SH3YL1: variants seen among roughly 807,000 people sequenced by gnomAD.
SH3YL1 encodes the protein SH3 domain-containing YSC84-like protein 1.
Under a neutral mutation model 45.8 loss-of-function variants are expected in SH3YL1, and 41 were observed. The ratio of observed to expected loss-of-function variants is 0.89; its 90% confidence interval spans 0.70 to 1.16. SH3YL1 has a LOEUF of 1.16. Among genes scored for constraint, SH3YL1 ranks in the 50% most tolerant of loss-of-function variants. SH3YL1 has a pLI of 0.00. For synonymous variants in SH3YL1, 152 were observed against 151.4 expected (o/e 1.00, Z -0.03); for missense variants, 389 against 409.6 (o/e 0.95, Z 0.43).
chr2:237,531 C>T (rs1419206331), intron 4 of SH3YL1, among the ~76,000 whole-genome samples: 2 of 152,012 alleles, frequency 1.3e-5, no homozygotes, highest in East Asian at 3.9e-4. Context: ...ACCCTGTAAG[C>T]ATTTGATAAG....
upstream of SH3YL1, chr2:264,767 C>G: frequency 1.7e-6 from 1 of 573,262 alleles, no homozygotes; most frequent in Non-Finnish European, 2.9e-6. Flanking sequence ...GGACCCTCCC[C>G]GCCCGTCCTA....
intron 4 of SH3YL1, chr2:239,981 C>A (rs538361462): frequency 6.6e-6 from 1 of 152,380 alleles, no homozygotes; most frequent in African/African-American, 2.4e-5. Flanking sequence ...AGAACACAGA[C>A]TTCCTTCCCC....
In SH3YL1 at chr2:247,602, T is replaced by C. The variant is rs1455769837; in HGVS notation, c.227A>G (p.Lys76Arg). ...GIVVARLPDG[K>R]WSAPSAIGIA... ...CCCAATGGCTGAGGGTGCAGACCAT[T>C]CTAATAAAAAAACAAACGAACGTTA... is the stretch of plus-strand genomic sequence containing the variant. Residue 76 changes from lysine to arginine, a missense_variant and splice_region_variant, in exon 4 of 10, where the codon AAA (lysine) becomes AGA (arginine). Coordinates refer to ENST00000356150, the MANE Select transcript of SH3YL1 (RefSeq NM_015677.4). 6.5e-7 allele frequency: 1 copy of C among 1,549,188 alleles called. No individual in the cohort carries two copies. The highest frequency in any genetic ancestry group is 8.7e-7 in the Non-Finnish European group (1 of 1,146,184).
intron 1 of SH3YL1, chr2:263,771 G>A (rs1669709257): frequency 4.3e-6 from 2 of 466,424 alleles, no homozygotes; most frequent in Admixed American, 4.2e-5. Context: ...TTCTAAAAAT[G>A]GAAAAGACGG....
chr2:253,094 T>G lies in SH3YL1; in HGVS notation c.23A>C (p.Asn8Thr), dbSNP rs1669144040. The change falls in exon 2 of 10, where the codon AAT becomes ACT. Residue 8 changes from asparagine (N) to threonine (T), a missense_variant. Physicochemically the swap from Asn to Thr is moderately conservative, Grantham distance 65. Transcript: ENST00000356150. MNNPIPS[N>T]LKSEAKKAAK... ...AGCCTTTTTTGCTTCTGATTTCAAA[T>G]TGGAAGGTATAGGGTTATTCACTGA... The G allele has an allele frequency of 1.3e-6, 2 of 1,542,984 alleles. No individual in the cohort carries two copies. The highest frequency in any genetic ancestry group is 1.8e-6 in the Non-Finnish European group (2 of 1,139,374).
intron 4 of SH3YL1, among the ~76,000 whole-genome samples, chr2:243,123 T>C (rs1239012553): frequency 6.6e-6 from 1 of 152,096 alleles, no homozygotes; most frequent in African/African-American, 2.4e-5. Flanking sequence ...GAACAATTAG[T>C]CATAAGATTA....
At chr2:254,169 C>G (rs1472894040) in intron 1 of SH3YL1, among the ~76,000 whole-genome samples, 1 of 152,036 alleles carries the variant, frequency 6.6e-6, no homozygotes, top group Non-Finnish European at 1.5e-5. Flanking sequence ...GAACTGGCTG[C>G]CTGTAGACTT....
intron 9 of SH3YL1, among the ~76,000 whole-genome samples, chr2:220,709 C>T (rs1316540610): frequency 6.6e-6 from 1 of 152,212 alleles, no homozygotes; most frequent in Non-Finnish European, 1.5e-5. Context: ...AAAAATCCAT[C>T]CTGGAAATCT....
chr2:255,395 A>G (rs1669272049), intron 1 of SH3YL1, among the ~76,000 whole-genome samples: 1 of 152,168 alleles, frequency 6.6e-6, no homozygotes, highest in African/African-American at 2.4e-5. Flanking sequence ...GGAGTTCGAG[A>G]CCAGCCTGGG....
At chr2:221,719 C>T (rs895313617) in intron 9 of SH3YL1, among the ~76,000 whole-genome samples, 3 of 152,162 alleles carry the variant, frequency 2.0e-5, no homozygotes, top group African/African-American at 7.2e-5. Flanking sequence ...ACCACAAATG[C>T]CTCTGCCTCC....
intron 1 of SH3YL1, among the ~76,000 whole-genome samples, chr2:255,018 T>G (rs543431114): frequency 6.6e-6 from 1 of 152,348 alleles, no homozygotes; most frequent in Non-Finnish European, 1.5e-5. Context: ...TTGATTGATG[T>G]CTCATGTCTC....
At chr2:257,891 C>A (rs925698139) in intron 1 of SH3YL1, among the ~76,000 whole-genome samples, 1 of 152,120 alleles carries the variant, frequency 6.6e-6, no homozygotes, top group Non-Finnish European at 1.5e-5. Context: ...GGTATTCCAG[C>A]ACCATTTATT....
chr2:226,981 G>T (rs1047602308), intron 8 of SH3YL1, among the ~76,000 whole-genome samples: 4 of 152,080 alleles, frequency 2.6e-5, no homozygotes, highest in African/African-American at 9.7e-5. Flanking sequence ...CACATGTTGG[G>T]GAATGCATAT....
At chr2:220,086 C>T (rs1667507941) in intron 9 of SH3YL1, among the ~76,000 whole-genome samples, 1 of 150,372 alleles carries the variant, frequency 6.7e-6, no homozygotes, top group African/African-American at 2.5e-5. Flanking sequence ...TGCTTCTATG[C>T]TTCATATAAT....
At chr2:259,072 C>T (rs767098613) in intron 1 of SH3YL1, among the ~76,000 whole-genome samples, 2 of 152,176 alleles carry the variant, frequency 1.3e-5, no homozygotes, top group African/African-American at 2.4e-5. Context: ...AGGAAGTGCT[C>T]CAGGCAGAAA....
chr2:224,710 C>A (rs1667719591), intron 9 of SH3YL1, among the ~76,000 whole-genome samples, 154 bp downstream of exon 9: 1 of 152,232 alleles, frequency 6.6e-6, no homozygotes, highest in Admixed American at 6.5e-5. Context: ...ATAGCATTTT[C>A]TAAATGAAGT....
At chr2:264,530 G>A (rs57160346), upstream of SH3YL1, 395 of 186,320 alleles carry the variant, frequency 2.1e-3, 1 homozygote, top group African/African-American at 9.0e-3. Context: ...GTCCCCTATA[G>A]GTAACCTTTA....
intron 2 of SH3YL1, among the ~76,000 whole-genome samples, chr2:252,495 G>A (rs1242810350): frequency 6.6e-6 from 1 of 152,118 alleles, no homozygotes; most frequent in Non-Finnish European, 1.5e-5. Flanking sequence ...GACAGGGAGG[G>A]AAGAGGCCCT....
intron 4 of SH3YL1, among the ~76,000 whole-genome samples, chr2:245,623 G>C (rs1668763327): frequency 6.6e-6 from 1 of 152,120 alleles, no homozygotes; most frequent in East Asian, 1.9e-4. Flanking sequence ...GAAGCACCCA[G>C]GTCAGAATTG....
Sources: gnomAD v4.1 joint callset for allele counts (sites outside exome capture counted in the v4.1 genomes callset) on GRCh38, gnomAD v4.1.1 for gene constraint, MANE v1.5 for transcripts, NCBI Gene and HGNC (gene_info 2026-07-23, HGNC 2026-07-21) for gene names.